ROBO2: variants seen among roughly 807,000 people sequenced by gnomAD.
ROBO2 encodes roundabout homolog 2.
Under a neutral mutation model 160.8 loss-of-function variants are expected in ROBO2, and 53 were observed. The observed-to-expected ratio is 0.33, with a 90% confidence interval of 0.26 to 0.41. ROBO2 has a LOEUF of 0.41. ROBO2 is among the 10% of genes least tolerant of loss of function. The pLI, the probability that ROBO2 is intolerant of heterozygous loss-of-function variation, is 1.00. For missense variants in ROBO2, 1,577 were observed against 1,722.4 expected, an observed-to-expected ratio of 0.92 and a Z score of 1.49; for synonymous variants, 664 against 611.7, an observed-to-expected ratio of 1.09 and a Z score of -1.26.
intron 2 of ROBO2, among the ~76,000 whole-genome samples, chr3:76,587,287 G>A (rs560754510): frequency 7.2e-5 from 11 of 151,960 alleles, no homozygotes; most frequent in South Asian, 4.2e-4. Flanking sequence ...CCAATTTACC[G>A]GTGTATCTAT....
chr3:77,205,435 A>T (rs1302090426), intron 2 of ROBO2, among the ~76,000 whole-genome samples: 2 of 151,636 alleles, frequency 1.3e-5, no homozygotes, highest in African/African-American at 4.8e-5. Flanking sequence ...TCTGCTGTTC[A>T]TCTGCTTGTC....
chr3:76,032,176 T>G (rs1346896822), intron 2 of ROBO2, among the ~76,000 whole-genome samples: 8 of 152,324 alleles, frequency 5.3e-5, no homozygotes, highest in South Asian at 4.1e-4. Flanking sequence ...GATGGTAGTT[T>G]GTATTTCTGT....
chr3:77,270,336 A>G (rs17015112), intron 2 of ROBO2, among the ~76,000 whole-genome samples: 26,368 of 152,212 alleles, frequency 0.17, 3,045 homozygotes, highest in East Asian at 0.64. Context: ...AACATTGTCA[A>G]TGAGAAAACT....
chr3:77,438,294 A>G (rs991393668), intron 2 of ROBO2, among the ~76,000 whole-genome samples: 4 of 151,984 alleles, frequency 2.6e-5, no homozygotes, highest in African/African-American at 4.8e-5. Context: ...AAATGGCAAC[A>G]GCAACAAGAC....
intron 2 of ROBO2, among the ~76,000 whole-genome samples, chr3:76,366,538 A>G (rs1296179321): frequency 1.3e-5 from 2 of 152,038 alleles, no homozygotes; most frequent in African/African-American, 2.4e-5. Context: ...ACAGAGTAAG[A>G]ATTCTTATAT....
At chr3:76,272,936 A>AT (rs1707629424) in intron 2 of ROBO2, among the ~76,000 whole-genome samples, 1 of 5,228 alleles carries the variant, frequency 1.9e-4, no homozygotes, top group African/African-American at 2.8e-4. Context: ...ATTTATATAT[A>AT]AATATATAAA....
In ROBO2 at chr3:77,186,426, A is replaced by T. The variant is rs1330595284; in HGVS notation, c.388+88086A>T. ...AAAGTAGGAGGTGATGGTTTACAGG[A>T]TCAGCAAGATGAGAAGAAAGGCCCT... On this transcript the variant is annotated intron_variant, in intron 2 of 25. Coordinates refer to ENST00000461745, the Ensembl canonical transcript of ROBO2. Among the ~76,000 whole-genome samples the T allele has an allele frequency of 3.3e-5, 5 of 151,960 alleles. No homozygotes were observed. The East Asian group carries it at 9.7e-4, about 29-fold the overall frequency.
In ROBO2 at chr3:76,536,618, C is replaced by T. The variant is rs144358139; in HGVS notation, c.110-561396C>T. The stretch of plus-strand genomic sequence containing the variant: ...TTGGGAGCCTGTCTGCTATTCCCAT[C>T]GGGGATCCTCTCGGGGAACTGCCCT... On this transcript the variant is annotated intron_variant, in intron 2 of 26. Coordinates refer to the ROBO2 transcript ENST00000487694. Among the ~76,000 whole-genome samples, 56 of 152,136 alleles carry T rather than the reference C, an allele frequency of 3.7e-4. No individual in the cohort carries two copies. The East Asian group carries it at 8.9e-3, about 24-fold the overall frequency.
intron 2 of ROBO2, among the ~76,000 whole-genome samples, chr3:76,834,070 C>A (rs1389960779): frequency 3.1e-5 from 3 of 95,732 alleles, no homozygotes. Flanking sequence ...TCTTTTCTTT[C>A]TTTCTTTCTT....
At chr3:77,456,358 A>G (rs1410106704) in intron 2 of ROBO2, among the ~76,000 whole-genome samples, 1 of 152,164 alleles carries the variant, frequency 6.6e-6, no homozygotes, top group Non-Finnish European at 1.5e-5. Flanking sequence ...GCTTCAAAGG[A>G]AAGAATATTG....
In ROBO2 at chr3:77,551,492, T is replaced by A. The variant is rs1366695374; in HGVS notation, c.1231+503T>A. 1.3e-5 allele frequency among the ~76,000 whole-genome samples: 2 copies of A among 152,050 alleles called. 1 individual carries two copies. Among genetic ancestry groups the A allele is most frequent in the African/African-American group, 4.8e-5 (2 of 41,418 alleles). Reference sequence around the variant, plus strand: ...GTGCTGAACAATGCTAAAATTATTATTTTTATTGGCACATATGCACTTTGA... The same window carrying A: ...GTGCTGAACAATGCTAAAATTATTAATTTTATTGGCACATATGCACTTTGA... On this transcript the variant is annotated intron_variant, in intron 8 of 25. Transcript: ENST00000461745.
At chr3:77,170,335 C>T (rs1161892444) in intron 2 of ROBO2, among the ~76,000 whole-genome samples, 1 of 152,002 alleles carries the variant, frequency 6.6e-6, no homozygotes, top group Non-Finnish European at 1.5e-5. Context: ...AAAGAACATA[C>T]ATATGTGTTT....
chr3:75,932,148 A>G (rs1021854741), intron 1 of ROBO2, among the ~76,000 whole-genome samples: 1 of 152,140 alleles, frequency 6.6e-6, no homozygotes, highest in African/African-American at 2.4e-5. Flanking sequence ...CAAGAATTGC[A>G]TGGTGTTTAG....
chr3:76,549,468 A>G (rs1358312426), intron 2 of ROBO2, among the ~76,000 whole-genome samples: 3 of 152,186 alleles, frequency 2.0e-5, no homozygotes, highest in Non-Finnish European at 4.4e-5. Context: ...GGAAACCATT[A>G]ACTCTCCTCT....
chr3:77,199,235 A>G (rs924754750), intron 2 of ROBO2, among the ~76,000 whole-genome samples: 7 of 152,066 alleles, frequency 4.6e-5, no homozygotes, highest in Non-Finnish European at 7.4e-5. Flanking sequence ...TTTTCATGCA[A>G]TTGTTTTCCC....
chr3:77,595,246 T>C (rs1240105990), intron 18 of ROBO2, 62 bp downstream of exon 19: 3 of 1,222,326 alleles, frequency 2.5e-6, no homozygotes, highest in African/African-American at 3.0e-5. Context: ...GGAAACTCTA[T>C]AGTAAGAGCC....
chr3:77,134,241 G>C (rs965136694), intron 2 of ROBO2, among the ~76,000 whole-genome samples: 1 of 151,938 alleles, frequency 6.6e-6, no homozygotes, highest in Admixed American at 6.6e-5. Context: ...ATGCTTAAAA[G>C]CTATTTCCAC....
chr3:77,550,689 C>T, intron 7 of ROBO2, 129 bp from the exon 9 acceptor site: 1 of 993,098 alleles, frequency 1.0e-6, no homozygotes, highest in East Asian at 2.6e-5. Context: ...TTAAACATTT[C>T]TGAACCATAT....
At chr3:76,613,126 G>C (rs922263002) in intron 2 of ROBO2, among the ~76,000 whole-genome samples, 4 of 152,036 alleles carry the variant, frequency 2.6e-5, no homozygotes, top group Non-Finnish European at 5.9e-5. Context: ...TGAAAAGTAA[G>C]GACTTACTCC....
Sources: allele counts gnomAD v4.1 joint callset (sites outside exome capture counted in the v4.1 genomes callset), GRCh38; gene constraint gnomAD v4.1.1; transcripts MANE v1.5; gene names NCBI Gene and HGNC (gene_info 2026-07-23, HGNC 2026-07-21).